The following MRTFB variants were observed in gnomAD, a reference collection of about 807,000 sequenced individuals.
MRTFB encodes the protein myocardin related transcription factor B, also known as myocardin-related transcription factor B.
A neutral mutation model predicts 104.2 loss-of-function variants in MRTFB; 29 were observed. The ratio of observed to expected loss-of-function variants is 0.28; its 90% CI spans 0.21 to 0.38. The LOEUF (loss-of-function observed/expected upper bound fraction) is 0.38, where lower values mean the gene tolerates loss of function less well. MRTFB is among the 10% of genes least tolerant of loss of function. MRTFB has a pLI of 1.00. For synonymous variants in MRTFB, 535 were observed against 519.5 expected (o/e 1.03, Z -0.41); for missense variants, 1,270 against 1,341.6 (o/e 0.95, Z 0.83).
chr16:14,245,414 C>T, intron 10 of MRTFB, 114 bp from the exon 11 acceptor site: 1 of 847,838 alleles, frequency 1.2e-6, no homozygotes, highest in Non-Finnish European at 1.8e-6. Context: ...TTCAGCCTTC[C>T]AATCCATAAC....
chr16:14,115,904 C>T (rs965392910), intron 2 of MRTFB, among the ~76,000 whole-genome samples: 2 of 152,160 alleles, frequency 1.3e-5, no homozygotes, highest in South Asian at 4.1e-4. Flanking sequence ...TGCTCTGGGC[C>T]ACCATTAGGA....
At chr16:14,189,582 T>C (rs1435278183) in intron 3 of MRTFB, among the ~76,000 whole-genome samples, 2 of 152,356 alleles carry the variant, frequency 1.3e-5, no homozygotes, top group East Asian at 3.9e-4. Context: ...AGGACACTTA[T>C]TAAAAATATT....
chr16:14,229,360 A>T (rs2042158166), intron 8 of MRTFB, among the ~76,000 whole-genome samples: 1 of 151,850 alleles, frequency 6.6e-6, no homozygotes. Flanking sequence ...TTTTCATTTT[A>T]TTTGGGGATT....
chr16:14,028,997 G>A, the MRTFB span, among the ~76,000 whole-genome samples: 1 of 152,160 alleles, frequency 6.6e-6, no homozygotes, highest in Non-Finnish European at 1.5e-5. Context: ...AGCATCCTGG[G>A]GAAATCTCAA....
chr16:14,055,667 G>A, the MRTFB span, among the ~76,000 whole-genome samples: 2 of 152,188 alleles, frequency 1.3e-5, no homozygotes, highest in Non-Finnish European at 2.9e-5. Context: ...TAATAGAGGT[G>A]AAATGCCATT....
chr16:14,169,010 TC>T (rs1467330170), intron 3 of MRTFB, among the ~76,000 whole-genome samples: 2 of 152,202 alleles, frequency 1.3e-5, no homozygotes, highest in Non-Finnish European at 2.9e-5. Context: ...TTTTTCCAAA[TC>T]TTTTGCTCAT....
At chr16:14,245,017 G>T (rs2042951003) in intron 10 of MRTFB, among the ~76,000 whole-genome samples, 2 of 152,192 alleles carry the variant, frequency 1.3e-5, no homozygotes, top group Admixed American at 1.3e-4. Context: ...GATGGGGCCA[G>T]TCAAGAGCCA....
chr16:14,164,591 G>A (rs1342148989), intron 3 of MRTFB, among the ~76,000 whole-genome samples: 1 of 152,168 alleles, frequency 6.6e-6, no homozygotes, highest in Non-Finnish European at 1.5e-5. Context: ...CCCTTTGATA[G>A]ACTAGTTTCC....
intron 8 of MRTFB, among the ~76,000 whole-genome samples, chr16:14,232,696 G>A (rs534134490): frequency 3.9e-4 from 60 of 152,292 alleles, no homozygotes; most frequent in African/African-American, 1.2e-3. Flanking sequence ...CGGTCTCAGC[G>A]GGGCTTGAGA....
chr16:14,228,880 G>A (rs1036415786), intron 8 of MRTFB, among the ~76,000 whole-genome samples: 2 of 152,098 alleles, frequency 1.3e-5, no homozygotes. Flanking sequence ...AAATCATAGA[G>A]GCAGAAAAGA....
intron 1 of MRTFB, among the ~76,000 whole-genome samples, chr16:14,076,852 T>A (rs987400447): frequency 6.6e-6 from 1 of 152,224 alleles, no homozygotes; most frequent in Non-Finnish European, 1.5e-5. Flanking sequence ...GATAACTCCA[T>A]GTAGTTTTAA....
chr16:14,244,470 C>G (rs560111230), intron 10 of MRTFB, among the ~76,000 whole-genome samples: 3 of 152,246 alleles, frequency 2.0e-5, no homozygotes, highest in African/African-American at 7.2e-5. Context: ...AGAAAAGTTT[C>G]AAAGAAAAGA....
chr16:14,245,026 C>G (rs563896158), intron 10 of MRTFB, among the ~76,000 whole-genome samples: 2 of 152,164 alleles, frequency 1.3e-5, no homozygotes, highest in African/African-American at 2.4e-5. Context: ...AGTCAAGAGC[C>G]ATGTTTTTTT....
At chr16:14,098,901 G>T (rs1219846040) in intron 2 of MRTFB, among the ~76,000 whole-genome samples, 1 of 152,164 alleles carries the variant, frequency 6.6e-6, no homozygotes, top group East Asian at 1.9e-4. Context: ...TCATAAATGT[G>T]GGCCTATTTT....
chr16:14,242,291 A>G (rs2042807420), intron 10 of MRTFB, among the ~76,000 whole-genome samples: 1 of 152,094 alleles, frequency 6.6e-6, no homozygotes, highest in African/African-American at 2.4e-5. Flanking sequence ...TCTTTCCATT[A>G]AGGCTTCAAT....
intron 3 of MRTFB, chr16:14,200,556 C>T (rs944723737): frequency 1.9e-6 from 3 of 1,604,856 alleles, no homozygotes; most frequent in Non-Finnish European, 2.6e-6. Context: ...TGTATGGTAA[C>T]AATTATCTTG....
At chr16:14,089,861 T>C (rs2034946785) in intron 2 of MRTFB, among the ~76,000 whole-genome samples, 1 of 152,240 alleles carries the variant, frequency 6.6e-6, no homozygotes, top group African/African-American at 2.4e-5. Context: ...CTCATGATTT[T>C]GATTTGCATT....
chr16:14,182,621 G>A (rs1475616408), intron 3 of MRTFB, among the ~76,000 whole-genome samples: 2 of 152,118 alleles, frequency 1.3e-5, no homozygotes, highest in African/African-American at 4.8e-5. Flanking sequence ...TGCAGAGAAG[G>A]CCTGGGAACA....
At chr16:14,071,887 C>T (rs1324064198) in intron 1 of MRTFB, among the ~76,000 whole-genome samples, 2 of 152,156 alleles carry the variant, frequency 1.3e-5, no homozygotes, top group Non-Finnish European at 2.9e-5. Flanking sequence ...TGGGAGCGCC[C>T]TGAAGTTGGA....
Sources: allele counts gnomAD v4.1 joint callset (sites outside exome capture counted in the v4.1 genomes callset), GRCh38; gene constraint gnomAD v4.1.1; transcripts MANE v1.5; gene names NCBI Gene and HGNC (gene_info 2026-07-23, HGNC 2026-07-21).